ADGRB3: variants seen among roughly 807,000 people sequenced by gnomAD.
The protein encoded by ADGRB3 is adhesion G protein-coupled receptor B3.
A neutral mutation model predicts 193.4 loss-of-function variants in ADGRB3; 37 were observed. The observed-to-expected ratio is 0.19, with a 90% confidence interval of 0.15 to 0.25. The LOEUF is 0.25. Among genes scored for constraint, ADGRB3 ranks in the 10% least tolerant of loss-of-function variants. The pLI, the probability that ADGRB3 is intolerant of heterozygous loss-of-function variation, is 1.00. For missense variants in ADGRB3, 1,637 were observed against 1,852.9 expected (o/e 0.88, Z 2.14); for synonymous variants, 690 against 644.2 (o/e 1.07, Z -1.08).
chr6:69,038,708 T>C (rs11962923), intron 13 of ADGRB3, among the ~76,000 whole-genome samples: 1 of 152,290 alleles, frequency 6.6e-6, no homozygotes, highest in South Asian at 2.1e-4. Context: ...CCCCATTATA[T>C]TATGTGTAGC....
At chr6:68,763,172 C>A (rs901959373) in intron 3 of ADGRB3, among the ~76,000 whole-genome samples, 3 of 110,006 alleles carry the variant, frequency 2.7e-5, no homozygotes, top group Non-Finnish European at 6.2e-5. Context: ...CTCATTGCAA[C>A]CTCTGCCTCA....
chr6:69,068,097 C>A (rs1771960073), intron 16 of ADGRB3, among the ~76,000 whole-genome samples: 1 of 152,114 alleles, frequency 6.6e-6, no homozygotes. Context: ...AAGTAACTTA[C>A]AACAGATGGC....
intron 20 of ADGRB3, among the ~76,000 whole-genome samples, chr6:69,319,920 A>T (rs934454401): frequency 6.6e-6 from 1 of 151,290 alleles, no homozygotes; most frequent in Non-Finnish European, 1.5e-5. Flanking sequence ...ATTTATTGTG[A>T]TTTTTGATGT....
intron 17 of ADGRB3, among the ~76,000 whole-genome samples, chr6:69,216,004 T>A (rs193022436): frequency 6.6e-6 from 1 of 152,182 alleles, no homozygotes; most frequent in Non-Finnish European, 1.5e-5. Flanking sequence ...CGTCTTCCAT[T>A]GGGATAGGAG....
intron 3 of ADGRB3, among the ~76,000 whole-genome samples, chr6:68,860,447 T>C (rs931396863): frequency 7.9e-5 from 12 of 152,204 alleles, no homozygotes; most frequent in Non-Finnish European, 1.5e-5. Flanking sequence ...ACATGTGTTC[T>C]CATTCTTTTG....
chr6:68,886,940 A>G (rs1039547146), intron 3 of ADGRB3, among the ~76,000 whole-genome samples: 5 of 151,598 alleles, frequency 3.3e-5, no homozygotes, highest in Admixed American at 1.3e-4. Context: ...AGTTCTAGTA[A>G]CCTTCTGGTT....
At chr6:69,231,857 G>T (rs1305688046) in intron 17 of ADGRB3, among the ~76,000 whole-genome samples, 4 of 152,064 alleles carry the variant, frequency 2.6e-5, no homozygotes, top group East Asian at 3.9e-4. Flanking sequence ...AAATATTAAT[G>T]ATATCAAATC....
chr6:68,819,049 A>G (rs761949485), intron 3 of ADGRB3, among the ~76,000 whole-genome samples: 37 of 152,220 alleles, frequency 2.4e-4, no homozygotes, highest in Non-Finnish European at 1.0e-4. Flanking sequence ...TGAATGGAAT[A>G]TTGTTTATTC....
intron 13 of ADGRB3, among the ~76,000 whole-genome samples, chr6:69,037,827 C>T (rs977216603): frequency 2.0e-5 from 3 of 152,140 alleles, no homozygotes; most frequent in African/African-American, 7.2e-5. Flanking sequence ...TAGGTGTCGG[C>T]ACAAATGTCA....
chr6:68,639,293 G>A lies in ADGRB3; in HGVS notation c.618G>A (p.Gly206=), dbSNP rs1408601360. The A allele has an allele frequency of 6.2e-7, 1 of 1,613,994 alleles. No individual in the cohort carries two copies. Among genetic ancestry groups the A allele is most frequent in the African/African-American group, 1.3e-5 (1 of 74,900 alleles). The change falls in exon 3 of 32, where the codon GGG becomes GGA. Residue 206 remains glycine (G), a synonymous_variant. Transcript: ENST00000370598. ...GCCCTCAGCATTTGGGAGAGTGGGG[G>A]ATCGACGACCAGTCGCTGATTTTGT... ...CTCPQHLGEW[G]IDDQSLILLN...
chr6:69,348,124 C>T (rs1209262968), intron 26 of ADGRB3, among the ~76,000 whole-genome samples: 1 of 152,114 alleles, frequency 6.6e-6, no homozygotes, highest in East Asian at 1.9e-4. Context: ...TTCTCCTAGT[C>T]CATGCAGAGA....
chr6:69,196,797 C>T (rs1045774917), intron 17 of ADGRB3, among the ~76,000 whole-genome samples: 3 of 151,988 alleles, frequency 2.0e-5, no homozygotes, highest in Non-Finnish European at 4.4e-5. Flanking sequence ...ATTGTTCATT[C>T]GTTTTGCTTT....
At chr6:68,953,638 G>A (rs73480165) in intron 6 of ADGRB3, among the ~76,000 whole-genome samples, 1,877 of 152,222 alleles carry the variant, frequency 0.012, 34 homozygotes, top group African/African-American at 0.041. Context: ...TAACCAATAT[G>A]ATTGTATCAG....
intron 17 of ADGRB3, among the ~76,000 whole-genome samples, chr6:69,111,349 T>A (rs1450291350): frequency 1.3e-5 from 2 of 152,202 alleles, no homozygotes; most frequent in Admixed American, 1.3e-4. Context: ...TTGCAGTAGG[T>A]ACATGTCTTT....
At chr6:69,187,661 T>C (rs2150353668) in intron 17 of ADGRB3, among the ~76,000 whole-genome samples, 1 of 152,302 alleles carries the variant, frequency 6.6e-6, no homozygotes, top group East Asian at 1.9e-4. Flanking sequence ...AGAATGGAAA[T>C]CAATTACTTC....
chr6:69,332,840 G>GATAAAA (rs1768758200), intron 23 of ADGRB3, 83 bp from the exon 24 acceptor site: 1 of 1,560,792 alleles, frequency 6.4e-7, no homozygotes, highest in Admixed American at 1.9e-5. Flanking sequence ...GTTATGAATT[G>GATAAAA]ATAAAAATAG....
At chr6:68,707,211 A>T (rs1183557071) in intron 3 of ADGRB3, among the ~76,000 whole-genome samples, 1 of 151,730 alleles carries the variant, frequency 6.6e-6, no homozygotes, top group Non-Finnish European at 1.5e-5. Flanking sequence ...TCATTTTCGT[A>T]TGGTCTATTT....
intron 20 of ADGRB3, among the ~76,000 whole-genome samples, chr6:69,301,911 TG>T (rs1426487292): frequency 3.9e-5 from 6 of 151,978 alleles, no homozygotes; most frequent in African/African-American, 1.2e-4. Context: ...GCAAAGTCAT[TG>T]TATGACAACT....
intron 13 of ADGRB3, among the ~76,000 whole-genome samples, chr6:69,020,936 T>C (rs529424121): frequency 1.2e-4 from 19 of 152,154 alleles, no homozygotes; most frequent in African/African-American, 4.1e-4. Context: ...TGATACTATA[T>C]ATGTAAAACA....
Sources: allele counts gnomAD v4.1 joint callset (sites outside exome capture counted in the v4.1 genomes callset), GRCh38; gene constraint gnomAD v4.1.1; transcripts MANE v1.5; gene names NCBI Gene and HGNC (gene_info 2026-07-23, HGNC 2026-07-21).